Variants in STIM1 observed in about 807,000 individuals in gnomAD.
The protein encoded by STIM1 is stromal interaction molecule 1.
STIM1 carries 25 observed loss-of-function variants against 74.7 expected under a neutral mutation model. The observed-to-expected ratio is 0.33, with a 90% CI of 0.24 to 0.47. The LOEUF is 0.47. Ranked by LOEUF, STIM1 falls within the 20% of genes least tolerant of loss-of-function variation. The probability of loss-of-function intolerance (pLI) is 1.00; values close to 1 mark genes in which losing one functional copy is unlikely to be tolerated. For synonymous variants in STIM1, 328 were observed against 348.8 expected, an observed-to-expected ratio of 0.94 and a Z score of 0.66; for missense variants, 728 against 920.8, an observed-to-expected ratio of 0.79 and a Z score of 2.71.
chr11:3,945,900 G>A (rs957533210), intron 1 of STIM1, among the ~76,000 whole-genome samples: 1 of 152,168 alleles, frequency 6.6e-6, no homozygotes, highest in Non-Finnish European at 1.5e-5. Context: ...CAAAGATGGA[G>A]CAGACACTTA....
intron 1 of STIM1, among the ~76,000 whole-genome samples, chr11:3,910,961 G>A (rs1012882808): frequency 6.6e-6 from 1 of 152,152 alleles, no homozygotes; most frequent in Non-Finnish European, 1.5e-5. Flanking sequence ...ACTCCAGCCT[G>A]GGCAACAGAG....
chr11:3,974,673 A>G (rs2093429273), intron 2 of STIM1, among the ~76,000 whole-genome samples: 2 of 152,042 alleles, frequency 1.3e-5, no homozygotes, highest in East Asian at 1.9e-4. Context: ...AGCAGAGGCT[A>G]TGTATTGTGG....
intron 3 of STIM1, among the ~76,000 whole-genome samples, chr11:4,055,163 A>G (rs1228274684): frequency 6.6e-6 from 1 of 152,218 alleles, no homozygotes; most frequent in Non-Finnish European, 1.5e-5. Context: ...AGATACACCT[A>G]TTTTAAATGT....
At chr11:4,018,243 A>T (rs1356084768) in intron 2 of STIM1, among the ~76,000 whole-genome samples, 2 of 150,934 alleles carry the variant, frequency 1.3e-5, no homozygotes, top group Admixed American at 6.6e-5. Flanking sequence ...AGGTCAGGAG[A>T]TCGAGACCAT....
intron 12 of STIM1, among the ~76,000 whole-genome samples, chr11:4,088,314 G>C (rs2094504644): frequency 6.6e-6 from 1 of 152,096 alleles, no homozygotes; most frequent in Non-Finnish European, 1.5e-5. Context: ...CCTGGCCTCT[G>C]GGCTGCAGTC....
At chr11:4,006,056 C>T (rs541411349) in intron 2 of STIM1, among the ~76,000 whole-genome samples, 2 of 152,222 alleles carry the variant, frequency 1.3e-5, no homozygotes, top group South Asian at 2.1e-4. Flanking sequence ...CACCAAATCT[C>T]GTGTTGAATT....
chr11:4,010,172 A>ATTTT (rs34152151), intron 2 of STIM1, among the ~76,000 whole-genome samples: 1 of 142,188 alleles, frequency 7.0e-6, no homozygotes. Flanking sequence ...AAATTTTCTG[A>ATTTT]TTTTTTTTTT....
At chr11:3,994,510 G>C (rs547839496) in intron 2 of STIM1, among the ~76,000 whole-genome samples, 112 of 145,264 alleles carry the variant, frequency 7.7e-4, no homozygotes, top group African/African-American at 2.6e-3. Flanking sequence ...ACCCAGGCTG[G>C]AGTACAGTGG....
intron 1 of STIM1, among the ~76,000 whole-genome samples, chr11:3,865,760 A>G (rs974343600): frequency 1.3e-5 from 2 of 152,176 alleles, no homozygotes; most frequent in African/African-American, 4.8e-5. Flanking sequence ...GGGCCTCCAC[A>G]GGCAGGGTAA....
intron 1 of STIM1, among the ~76,000 whole-genome samples, chr11:3,881,961 G>A (rs1481854549): frequency 6.7e-6 from 1 of 149,686 alleles, no homozygotes; most frequent in East Asian, 2.0e-4. Context: ...TGTGAGCCAC[G>A]GCGCCCGGCC....
intron 2 of STIM1, among the ~76,000 whole-genome samples, chr11:3,988,797 C>T (rs1441396414): frequency 2.0e-5 from 3 of 152,148 alleles, no homozygotes; most frequent in Non-Finnish European, 4.4e-5. Context: ...ATGTTCAAGA[C>T]ATTAAATGCA....
chr11:3,865,657 G>C (rs2090826526), intron 1 of STIM1, among the ~76,000 whole-genome samples: 1 of 152,144 alleles, frequency 6.6e-6, no homozygotes, highest in Non-Finnish European at 1.5e-5. Flanking sequence ...TGTTTGCTGG[G>C]ATGTACAGTA....
chr11:3,876,856 T>C (rs1248040092), intron 1 of STIM1, among the ~76,000 whole-genome samples: 1 of 152,204 alleles, frequency 6.6e-6, no homozygotes, highest in East Asian at 1.9e-4. Context: ...TGCACTGTTA[T>C]GTATTCACCA....
At position 4,084,582 on chromosome 11, in the gene STIM1, C is replaced by A; in HGVS notation, c.1475-91C>A. 6.6e-6 allele frequency: 7 copies of A among 1,065,398 alleles called. No individual in the cohort carries two copies. The South Asian group carries it at 7.8e-5, about 12-fold the overall frequency. The allele number at this position is 1,065,398 out of a possible 1,614,324, so 66.0% of individuals were successfully genotyped here. A position where few individuals can be genotyped will look rare whatever the true frequency, so the allele number is the denominator to read the frequency against. ...TTAGCTCTGAGCTACCCAATCCCTG[C>A]CCCCAGCCCTTCCTTTATTACATTG... On this transcript the variant is annotated intron_variant, in intron 10 of 12. Transcript: ENST00000526596.
intron 2 of STIM1, among the ~76,000 whole-genome samples, chr11:4,011,735 C>A (rs182605014): frequency 2.9e-3 from 442 of 152,200 alleles, no homozygotes; most frequent in African/African-American, 0.01. Context: ...TAATTAGATC[C>A]CATTTGTCTG....
At chr11:4,057,513 G>A (rs898676364) in intron 4 of STIM1, among the ~76,000 whole-genome samples, 2 of 152,136 alleles carry the variant, frequency 1.3e-5, no homozygotes, top group African/African-American at 2.4e-5. Flanking sequence ...CTCTGGCTTT[G>A]CCACTTACTT....
chr11:3,948,857 A>G (rs948356584), intron 1 of STIM1, among the ~76,000 whole-genome samples: 3 of 152,206 alleles, frequency 2.0e-5, no homozygotes, highest in Non-Finnish European at 2.9e-5. Context: ...TTTACCAAGC[A>G]TCTACTATAT....
intron 1 of STIM1, among the ~76,000 whole-genome samples, chr11:3,941,854 T>A (rs915663010): frequency 6.6e-6 from 1 of 151,838 alleles, no homozygotes; most frequent in Non-Finnish European, 1.5e-5. Flanking sequence ...ACCCAGCTAA[T>A]TTTTTATTTT....
rs991275539 is a variant in STIM1 at position 4,092,192 on chromosome 11, C to T, written c.*394C>T. On this transcript the variant is annotated 3_prime_UTR_variant, in exon 13 of 13. Coordinates refer to ENST00000526596, the MANE Select transcript of STIM1 (RefSeq NM_001382567.1). ...GCTCCTCCCTCCCACCACTCCCCAA[C>T]TTCCCCTAGCAGTTGCAGGGAAGAT... is the stretch of plus-strand genomic sequence containing the variant. 6.1e-6 allele frequency: 2 copies of T among 326,542 alleles called. No individual in the cohort carries two copies. The highest frequency in any genetic ancestry group is 1.2e-5 in the Non-Finnish European group (2 of 168,480). 20.2% of individuals were successfully genotyped at this position (326,542 alleles called of 1,614,324 possible). A position where few individuals can be genotyped will look rare whatever the true frequency, so the allele number is the denominator to read the frequency against.
Sources: gnomAD v4.1 joint callset for allele counts (sites outside exome capture counted in the v4.1 genomes callset) on GRCh38, gnomAD v4.1.1 for gene constraint, MANE v1.5 for transcripts, NCBI Gene and HGNC (gene_info 2026-07-23, HGNC 2026-07-21) for gene names.